The following ZNF638 variants were observed in gnomAD, a reference collection of about 807,000 sequenced individuals.
ZNF638 encodes the protein CTCL tumor antigen se33-1.
A neutral mutation model predicts 195.6 loss-of-function variants in ZNF638; 46 were observed. The observed-to-expected ratio is 0.24, with a 90% confidence interval of 0.19 to 0.30. The LOEUF (loss-of-function observed/expected upper bound fraction) is 0.30. Among genes scored for constraint, ZNF638 ranks in the 10% least tolerant of loss-of-function variants. ZNF638 has a pLI of 1.00. For missense variants in ZNF638, 2,440 were observed against 2,325.3 expected, an observed-to-expected ratio of 1.05 and a Z score of -1.01; for synonymous variants, 845 against 772.0, an observed-to-expected ratio of 1.09 and a Z score of -1.57.
intron 25 of ZNF638, among the ~76,000 whole-genome samples, chr2:71,429,649 ACC>A (rs914149227): frequency 6.6e-5 from 10 of 152,118 alleles, no homozygotes; most frequent in African/African-American, 2.4e-4. Flanking sequence ...AGAAAGAACC[ACC>A]TACTTTTACG....
chr2:71,358,694 C>T (rs1002451967), intron 3 of ZNF638, among the ~76,000 whole-genome samples: 1 of 152,180 alleles, frequency 6.6e-6, no homozygotes, highest in Non-Finnish European at 1.5e-5. Flanking sequence ...TTACCTTCTG[C>T]ACATTTTTCT....
At chr2:71,382,195 G>C (rs954525189) in intron 10 of ZNF638, among the ~76,000 whole-genome samples, 6 of 152,036 alleles carry the variant, frequency 3.9e-5, no homozygotes, top group Non-Finnish European at 7.4e-5. Context: ...TTTGAATTTG[G>C]GGTTAGGTCC....
At chr2:71,335,835 A>G (rs1273868360) in intron 1 of ZNF638, among the ~76,000 whole-genome samples, 2 of 152,166 alleles carry the variant, frequency 1.3e-5, no homozygotes, top group Non-Finnish European at 2.9e-5. Context: ...AAATTTCCCC[A>G]GTTGTAACTC....
At chr2:71,331,905 G>T in intron 1 of ZNF638, 30 bp downstream of exon 1, 1 of 986,488 alleles carries the variant, frequency 1.0e-6, no homozygotes, top group Non-Finnish European at 1.2e-6. Flanking sequence ...GGGAGTAGGG[G>T]GTTGGAAGGC....
intron 10 of ZNF638, among the ~76,000 whole-genome samples, chr2:71,383,755 TC>T (rs2079578763): frequency 1.0e-5 from 1 of 99,096 alleles, no homozygotes; most frequent in Non-Finnish European, 1.9e-5. Context: ...TTTTTTTTTT[TC>T]TTTTTCTTTT....
At chr2:71,431,141 T>C in intron 25 of ZNF638, 186 bp from the exon 26 acceptor site, 1 of 538,444 alleles carries the variant, frequency 1.9e-6, no homozygotes, top group Non-Finnish European at 3.4e-6. Flanking sequence ...TAAATCCATT[T>C]GAATGGATTT....
chr2:71,434,623 TG>T (rs746545603), intron 27 of ZNF638, 118 bp from the exon 28 acceptor site: 7 of 798,692 alleles, frequency 8.8e-6, no homozygotes, highest in Non-Finnish European at 1.4e-5. Flanking sequence ...TAAGGCACTG[TG>T]TTTATAATAT....
At chr2:71,409,841 C>T (rs1573139323) in intron 20 of ZNF638, among the ~76,000 whole-genome samples, 1 of 152,156 alleles carries the variant, frequency 6.6e-6, no homozygotes, top group Admixed American at 6.5e-5. Context: ...CATTGTTTTT[C>T]TGAGTCATGT....
intron 23 of ZNF638, among the ~76,000 whole-genome samples, chr2:71,425,979 A>G (rs917385624): frequency 1.3e-5 from 2 of 152,154 alleles, no homozygotes; most frequent in African/African-American, 4.8e-5. Flanking sequence ...TATGTATTCT[A>G]TATATAATTA....
intron 10 of ZNF638, among the ~76,000 whole-genome samples, chr2:71,384,701 G>A (rs993568440): frequency 2.0e-5 from 3 of 151,958 alleles, no homozygotes; most frequent in Admixed American, 6.6e-5. Flanking sequence ...TTTTTCTCTT[G>A]TTATGGCTTT....
At chr2:71,377,186 G>T (rs962220205) in intron 8 of ZNF638, among the ~76,000 whole-genome samples, 1 of 152,082 alleles carries the variant, frequency 6.6e-6, no homozygotes, top group Non-Finnish European at 1.5e-5. Context: ...GATCGCTTGA[G>T]CCTGGGAGGC....
chr2:71,424,186 C>A, intron 22 of ZNF638, 148 bp downstream of exon 22: 1 of 1,079,632 alleles, frequency 9.3e-7, no homozygotes, highest in Non-Finnish European at 1.3e-6. Context: ...TTAAATGATT[C>A]CATTGTTTAA....
intron 17 of ZNF638, among the ~76,000 whole-genome samples, chr2:71,404,755 C>T (rs2080072245): frequency 6.6e-6 from 1 of 152,130 alleles, no homozygotes; most frequent in Non-Finnish European, 1.5e-5. Context: ...TTTGTATATA[C>T]AAAAGTAATT....
At chr2:71,395,657 T>C (rs1331066399) in intron 10 of ZNF638, 1 of 518,096 alleles carries the variant, frequency 1.9e-6, no homozygotes, top group Non-Finnish European at 3.7e-6. Context: ...TCATTAAATC[T>C]GTACTGAATA....
intron 16 of ZNF638, among the ~76,000 whole-genome samples, chr2:71,402,942 T>TA (rs765007096): frequency 6.6e-6 from 1 of 152,098 alleles, no homozygotes; most frequent in Non-Finnish European, 1.5e-5. Flanking sequence ...ACAGGTGAGT[T>TA]ATGTGTAATT....
chr2:71,370,132 A>G lies in ZNF638; in HGVS notation c.2265+127A>G, dbSNP rs188343175. ...TGTTAGCTCAACACATTATATGTGCATTAATTCAAGTATGTTGAAATTAAA... is the reference window on the plus strand; with the variant it reads ...TGTTAGCTCAACACATTATATGTGCGTTAATTCAAGTATGTTGAAATTAAA... On this transcript the variant is annotated intron_variant, in intron 8 of 27. Transcript: ENST00000264447. 3.9e-6 allele frequency: 4 copies of G among 1,028,974 alleles called. No individual in the cohort carries two copies. In the African/African-American group the frequency reaches 5.0e-5, roughly 13 times the overall value. 63.7% of individuals were successfully genotyped at this position (1,028,974 alleles called of 1,614,324 possible). A position where few individuals can be genotyped will look rare whatever the true frequency, so the allele number is the denominator to read the frequency against.
chr2:71,384,266 T>C (rs1033368365), intron 10 of ZNF638, among the ~76,000 whole-genome samples: 1 of 152,228 alleles, frequency 6.6e-6, no homozygotes, highest in Admixed American at 6.5e-5. Context: ...TGGTATTTTT[T>C]ATTCCATACT....
intron 10 of ZNF638, among the ~76,000 whole-genome samples, chr2:71,386,749 G>A (rs1266052968): frequency 6.6e-6 from 1 of 152,124 alleles, no homozygotes; most frequent in Non-Finnish European, 1.5e-5. Flanking sequence ...AAAAATGGTA[G>A]AAGTTATAAA....
At position 71,405,500 on chromosome 2, in the gene ZNF638, T is replaced by C. The variant is rs573697079; in HGVS notation, c.2959-101T>C. ...CTTAATTTTATAAAATACTTTGTAA[T>C]GCATATTTGTATAGATTGTCATGTT... On this transcript the variant is annotated intron_variant, in intron 17 of 27. Coordinates refer to ENST00000264447, the MANE Select transcript of ZNF638 (RefSeq NM_014497.5). The C allele has an allele frequency of 1.6e-5, 11 of 692,564 alleles. 1 individual carries two copies. The East Asian group carries it at 3.0e-4, about 19-fold the overall frequency. 42.9% of individuals were successfully genotyped at this position (692,564 alleles called of 1,614,324 possible). A position where few individuals can be genotyped will look rare whatever the true frequency, so the allele number is the denominator to read the frequency against.
Sources: allele counts gnomAD v4.1 joint callset (sites outside exome capture counted in the v4.1 genomes callset), GRCh38; gene constraint gnomAD v4.1.1; transcripts MANE v1.5; gene names NCBI Gene and HGNC (gene_info 2026-07-23, HGNC 2026-07-21).